PEX14: variants seen among roughly 807,000 people sequenced by gnomAD.
PEX14 encodes the protein peroxisomal biogenesis factor 14, also known as peroxisomal membrane protein PEX14.
PEX14 carries 15 observed loss-of-function variants against 49.5 expected under a neutral mutation model. That is an observed-to-expected ratio of 0.30 (90% CI 0.20 to 0.47). PEX14 has a LOEUF of 0.47. Among genes scored for constraint, PEX14 ranks in the 20% least tolerant of loss-of-function variants. The pLI is 1.00. For missense variants in PEX14, 398 were observed against 494.8 expected (o/e 0.80, Z 1.86); for synonymous variants, 210 against 212.7 (o/e 0.99, Z 0.11).
chr1:10,610,610 C>T lies in PEX14; in HGVS notation c.299-7722C>T, dbSNP rs567004608. Among the ~76,000 whole-genome samples, 5 of 152,044 alleles carry T rather than the reference C, an allele frequency of 3.3e-5. No homozygotes were observed. In the East Asian group the frequency reaches 5.8e-4, roughly 18 times the overall value. ...AAGTGATTCTCCTGCCTCAGCCTCC[C>T]GAGTAGCTGGGATTATAGGCATGCG... On this transcript the variant is annotated intron_variant, in intron 4 of 8. Transcript: ENST00000356607.
chr1:10,614,773 G>A (rs963077780), intron 4 of PEX14, among the ~76,000 whole-genome samples: 3 of 152,224 alleles, frequency 2.0e-5, no homozygotes, highest in Non-Finnish European at 4.4e-5. Context: ...GGGATGTTCC[G>A]GGTATGGATG....
chr1:10,549,520 A>G (rs550409253), intron 3 of PEX14, among the ~76,000 whole-genome samples: 2 of 152,230 alleles, frequency 1.3e-5, no homozygotes, highest in African/African-American at 4.8e-5. Flanking sequence ...CTTTGAGTCT[A>G]TTTCTCATAT....
chr1:10,572,261 A>G (rs189584303), intron 3 of PEX14, among the ~76,000 whole-genome samples: 1 of 152,334 alleles, frequency 6.6e-6, no homozygotes, highest in Non-Finnish European at 1.5e-5. Context: ...ACTCCAAAAG[A>G]TTGTGCTGGA....
chr1:10,563,005 G>A (rs1461184454), intron 3 of PEX14, among the ~76,000 whole-genome samples: 9 of 149,770 alleles, frequency 6.0e-5, no homozygotes, highest in Admixed American at 2.0e-4. Context: ...TCCATCTCCC[G>A]GGTTCAAGCA....
intron 2 of PEX14, among the ~76,000 whole-genome samples, chr1:10,530,877 T>C (rs1268887275): frequency 6.6e-6 from 1 of 152,228 alleles, no homozygotes; most frequent in African/African-American, 2.4e-5. Context: ...CCTGCCACAC[T>C]GAGAATGACA....
intron 3 of PEX14, among the ~76,000 whole-genome samples, chr1:10,549,539 AT>A (rs915221323): frequency 2.0e-4 from 31 of 151,622 alleles, no homozygotes; most frequent in Non-Finnish European, 2.9e-4. Flanking sequence ...ATTTACTTAC[AT>A]TTTTTTTTCC....
Position 10,474,993 on chromosome 1 carries a change from G to A in PEX14, c.27G>A (p.Gln9=), listed in dbSNP as rs1230358546. 2.5e-6 allele frequency: 4 copies of A among 1,610,046 alleles called. No individual in the cohort carries two copies. The South Asian group carries it at 3.3e-5, about 13-fold the overall frequency. Residue 9 remains glutamine (Q), a synonymous_variant, in exon 1 of 9, where the codon CAG becomes CAA. Transcript: ENST00000356607. MASSEQAE[Q]PSQPSSTPGS... ...TGGCGTCCTCGGAGCAGGCAGAGCAGCCGAGCCAGGTAAGGGGAGTGGGAC... is the reference window on the plus strand; with the variant it reads ...TGGCGTCCTCGGAGCAGGCAGAGCAACCGAGCCAGGTAAGGGGAGTGGGAC...
intron 3 of PEX14, among the ~76,000 whole-genome samples, chr1:10,587,617 C>T (rs1482258055): frequency 6.6e-6 from 1 of 152,036 alleles, no homozygotes; most frequent in Non-Finnish European, 1.5e-5. Context: ...TGAGTCTATT[C>T]CTAGGGATAT....
At chr1:10,475,482 C>T (rs931050132) in intron 1 of PEX14, among the ~76,000 whole-genome samples, 2 of 152,200 alleles carry the variant, frequency 1.3e-5, no homozygotes, top group South Asian at 2.1e-4. Flanking sequence ...GCGCTTCTCT[C>T]GTCAAGTTGG....
chr1:10,543,102 G>A (rs1055254441), intron 3 of PEX14, among the ~76,000 whole-genome samples: 3 of 152,226 alleles, frequency 2.0e-5, no homozygotes, highest in African/African-American at 7.2e-5. Context: ...GGATTTTGAA[G>A]GGATGGACAT....
intron 3 of PEX14, among the ~76,000 whole-genome samples, chr1:10,568,390 T>C (rs1459285997): frequency 6.8e-6 from 1 of 148,030 alleles, no homozygotes; most frequent in Non-Finnish European, 1.5e-5. Flanking sequence ...ATTCTTATTG[T>C]ATTAGAGTTT....
At chr1:10,513,420 CCT>C (rs1641917925) in intron 2 of PEX14, among the ~76,000 whole-genome samples, 1 of 152,326 alleles carries the variant, frequency 6.6e-6, no homozygotes, top group African/African-American at 2.4e-5. Context: ...AGTGTGTTCC[CCT>C]GTTCCAGCCG....
chr1:10,535,776 CGTGT>C (rs34318995), intron 2 of PEX14: 18 of 276,618 alleles, frequency 6.5e-5, no homozygotes, highest in South Asian at 1.5e-4. Context: ...TGATAGAGAA[CGTGT>C]GTGTGTGTGT....
chr1:10,580,349 C>T (rs957245059), intron 3 of PEX14, among the ~76,000 whole-genome samples: 2 of 152,052 alleles, frequency 1.3e-5, no homozygotes, highest in East Asian at 3.9e-4. Context: ...CTTGGCCTCC[C>T]GGGTAGCTGG....
intron 1 of PEX14, among the ~76,000 whole-genome samples, chr1:10,478,830 C>T (rs1641236852): frequency 6.6e-6 from 1 of 151,728 alleles, no homozygotes. Flanking sequence ...ACTGCAAGCT[C>T]CGCCTCTCGG....
intron 1 of PEX14, among the ~76,000 whole-genome samples, chr1:10,480,875 T>TG (rs1641272759): frequency 6.7e-6 from 1 of 148,738 alleles, no homozygotes; most frequent in African/African-American, 2.6e-5. Flanking sequence ...ATATATTTTT[T>TG]TTTTTGGAAG....
At chr1:10,490,666 C>T (rs923723620) in intron 1 of PEX14, among the ~76,000 whole-genome samples, 3 of 149,886 alleles carry the variant, frequency 2.0e-5, no homozygotes, top group East Asian at 1.9e-4. Context: ...TTTCTTACAT[C>T]GTTACAATAG....
chr1:10,521,905 AG>A (rs1400672897), intron 2 of PEX14, among the ~76,000 whole-genome samples: 1 of 152,210 alleles, frequency 6.6e-6, no homozygotes, highest in African/African-American at 2.4e-5. Flanking sequence ...CCTGTCTATT[AG>A]TCTTAAAGCA....
intron 3 of PEX14, among the ~76,000 whole-genome samples, chr1:10,560,131 C>T (rs1639612356): frequency 6.6e-6 from 1 of 151,980 alleles, no homozygotes; most frequent in Non-Finnish European, 1.5e-5. Flanking sequence ...GATCTTGGCT[C>T]ACTGCAATCT....
Sources: allele counts gnomAD v4.1 joint callset (sites outside exome capture counted in the v4.1 genomes callset), GRCh38; gene constraint gnomAD v4.1.1; transcripts MANE v1.5; gene names NCBI Gene and HGNC (gene_info 2026-07-23, HGNC 2026-07-21).